The following NALCN variants were observed in gnomAD, a reference collection of about 807,000 sequenced individuals.
NALCN encodes the protein sodium leak channel NALCN.
Under a neutral mutation model 225.3 loss-of-function variants are expected in NALCN, and 111 were observed. The ratio of observed to expected loss-of-function variants is 0.49; its 90% CI spans 0.42 to 0.58. The LOEUF (loss-of-function observed/expected upper bound fraction) is 0.58, where lower values mean the gene tolerates loss of function less well. NALCN is among the 20% of genes least tolerant of loss of function. NALCN has a pLI of 0.00. For synonymous variants in NALCN, 764 were observed against 769.0 expected (o/e 0.99, Z 0.11); for missense variants, 1,378 against 2,202.4 (o/e 0.63, Z 7.49).
intron 15 of NALCN, among the ~76,000 whole-genome samples, chr13:101,154,553 T>C (rs1474503329): frequency 1.3e-5 from 2 of 152,200 alleles, no homozygotes; most frequent in African/African-American, 4.8e-5. Flanking sequence ...GGGTTTGCAC[T>C]ATAACTTTCT....
At chr13:101,106,866 C>T (rs608555) in intron 22 of NALCN, among the ~76,000 whole-genome samples, 6 of 151,944 alleles carry the variant, frequency 3.9e-5, no homozygotes, top group South Asian at 2.1e-4. Flanking sequence ...AAAATGGACT[C>T]ATACAGGTAT....
At chr13:101,284,853 G>C (rs2043285035) in intron 9 of NALCN, among the ~76,000 whole-genome samples, 2 of 152,116 alleles carry the variant, frequency 1.3e-5, no homozygotes, top group Admixed American at 6.5e-5. Context: ...ATTACACCCA[G>C]CTGGAAGACA....
intron 7 of NALCN, among the ~76,000 whole-genome samples, chr13:101,322,053 G>A (rs1159004866): frequency 6.6e-6 from 1 of 152,068 alleles, no homozygotes; most frequent in African/African-American, 2.4e-5. Flanking sequence ...TCCATTCTTA[G>A]ATTAATTCAT....
chr13:101,334,904 A>G (rs1243365483), intron 7 of NALCN, among the ~76,000 whole-genome samples: 2 of 152,118 alleles, frequency 1.3e-5, no homozygotes, highest in Non-Finnish European at 2.9e-5. Flanking sequence ...GAAGAGAGGG[A>G]AGGAGGGAGG....
chr13:101,158,442 G>A (rs937135420), intron 15 of NALCN, among the ~76,000 whole-genome samples: 2 of 152,208 alleles, frequency 1.3e-5, no homozygotes, highest in African/African-American at 4.8e-5. Context: ...CCTCTGCACT[G>A]TCTGAGGTGG....
intron 11 of NALCN, among the ~76,000 whole-genome samples, chr13:101,257,888 G>C (rs748269215): frequency 6.6e-6 from 1 of 152,032 alleles, no homozygotes; most frequent in African/African-American, 2.4e-5. Flanking sequence ...TTATCAATAG[G>C]AAGTACTATT....
chr13:101,274,782 A>AT (rs571270711), intron 10 of NALCN, among the ~76,000 whole-genome samples: 6 of 152,200 alleles, frequency 3.9e-5, no homozygotes, highest in East Asian at 1.9e-4. Context: ...GTAATAGCCT[A>AT]TTTTTTTAGC....
chr13:101,259,732 G>GTATA lies in NALCN; in HGVS notation c.1135-1162_1135-1159dup, dbSNP rs35199456. Among the ~76,000 whole-genome samples, 309 of 119,388 alleles carry GTATA rather than the reference G, an allele frequency of 2.6e-3. 3 individuals carry two copies. The highest frequency in any genetic ancestry group is 5.9e-3 in the African/African-American group (211 of 35,946). 78.3% of individuals were successfully genotyped at this position (119,388 alleles called of 152,430 possible). On this transcript the variant is annotated intron_variant, in intron 10 of 43. Transcript: ENST00000251127. ...AAATATTTGTGGGTACATAGTAAGT[G>GTATA]TATATATATATATATATATACACAC...
Position 101,089,990 on chromosome 13 carries a change from T to C in NALCN, c.3270-24A>G. ...CCCTGCGATTCCAATACAGGAATGTTCTGTGAAATTCCAATAAGCAGCACC... is the reference window on the plus strand; with the variant it reads ...CCCTGCGATTCCAATACAGGAATGTCCTGTGAAATTCCAATAAGCAGCACC... On this transcript the variant is annotated intron_variant, in intron 28 of 43. Coordinates refer to ENST00000251127, the MANE Select transcript of NALCN (RefSeq NM_052867.4). The surrounding 1 kb of genome is among the most constrained non-coding windows in gnomAD (Gnocchi z 4.7). 6.2e-7 allele frequency: 1 copy of C among 1,613,326 alleles called. No individual in the cohort carries two copies. The highest frequency in any genetic ancestry group is 2.2e-5 in the East Asian group (1 of 44,868).
chr13:101,095,917 G>A (rs2034476310), intron 27 of NALCN, among the ~76,000 whole-genome samples: 1 of 152,048 alleles, frequency 6.6e-6, no homozygotes, highest in African/African-American at 2.4e-5. Flanking sequence ...CTTCTCCAAG[G>A]AAGATATGCA....
chr13:101,096,580 TG>T (rs985893720), intron 27 of NALCN, among the ~76,000 whole-genome samples: 95 of 152,216 alleles, frequency 6.2e-4, no homozygotes, highest in African/African-American at 2.2e-3. Flanking sequence ...GCTAAAGGGA[TG>T]GGGGTAATAG....
chr13:101,119,316 T>C (rs1014388961), intron 18 of NALCN, among the ~76,000 whole-genome samples: 2 of 152,220 alleles, frequency 1.3e-5, no homozygotes, highest in African/African-American at 2.4e-5. Flanking sequence ...AATTTTTTTC[T>C]GTAGTAAGTA....
At chr13:101,376,028 C>A (rs978766430) in intron 6 of NALCN, among the ~76,000 whole-genome samples, 1 of 152,268 alleles carries the variant, frequency 6.6e-6, no homozygotes, top group South Asian at 2.1e-4. Context: ...TACATTCTAT[C>A]TTACCCACCA....
chr13:101,360,108 CTCTTTT>C (rs2046193304), intron 6 of NALCN, among the ~76,000 whole-genome samples: 1 of 142,266 alleles, frequency 7.0e-6, no homozygotes, highest in Admixed American at 7.4e-5. Flanking sequence ...CTTTCTCTTT[CTCTTTT>C]TCTTTCCTTT....
intron 6 of NALCN, among the ~76,000 whole-genome samples, chr13:101,370,400 A>C (rs1390237546): frequency 1.3e-5 from 2 of 152,258 alleles, no homozygotes; most frequent in African/African-American, 2.4e-5. Flanking sequence ...AAGGAACATG[A>C]GTTGACATAG....
At position 101,377,029 on chromosome 13, in the gene NALCN, G is replaced by C; in HGVS notation, c.403C>G (p.Gln135Glu). 4 of 1,614,102 alleles carry C rather than the reference G, an allele frequency of 2.5e-6. No homozygotes were observed. The highest frequency in any genetic ancestry group is 2.5e-6 in the Non-Finnish European group (3 of 1,180,010). Reference protein sequence around the residue: ...QVFEIADIVDQMSPWGMLRIP... With the variant: ...QVFEIADIVDEMSPWGMLRIP... ...CGCAACATGCCCCAAGGTGACATCT[G>C]ATCAACTATATCAGCAATTTCAAAC... is the stretch of plus-strand genomic sequence containing the variant. The change falls in exon 5 of 44, where the codon CAG becomes GAG. Residue 135 changes from glutamine to glutamate, a missense_variant. By Grantham distance (29) the Gln-to-Glu change is conservative. This residue lies in a region of NALCN where 146 missense variants were observed against 205.9 expected (regional missense o/e 0.71). Coordinates refer to ENST00000251127, the MANE Select transcript of NALCN (RefSeq NM_052867.4).
intron 6 of NALCN, among the ~76,000 whole-genome samples, chr13:101,355,499 C>G (rs144731430): frequency 0.011 from 1,665 of 152,232 alleles, 32 homozygotes; most frequent in African/African-American, 0.038. Context: ...GAAGAGCTAA[C>G]TATCCTAAAT....
intron 18 of NALCN, among the ~76,000 whole-genome samples, chr13:101,124,312 GAT>G (rs2036126021): frequency 6.6e-6 from 1 of 151,922 alleles, no homozygotes; most frequent in Non-Finnish European, 1.5e-5. Context: ...TATCACAAAA[GAT>G]ATAAAACTGT....
At chr13:101,106,844 A>G (rs986535203) in intron 22 of NALCN, among the ~76,000 whole-genome samples, 3 of 152,194 alleles carry the variant, frequency 2.0e-5, no homozygotes, top group African/African-American at 7.2e-5. Context: ...GTATGTCTTT[A>G]TCAGTGGCAT....
Sources: allele counts gnomAD v4.1 joint callset (sites outside exome capture counted in the v4.1 genomes callset), GRCh38; gene constraint gnomAD v4.1.1; regional missense constraint gnomAD v4.1.1; non-coding constraint Gnocchi (gnomAD v3.1); transcripts MANE v1.5; gene names NCBI Gene and HGNC (gene_info 2026-07-23, HGNC 2026-07-21).